SKIC3: variants seen among roughly 807,000 people sequenced by gnomAD.
SKIC3 encodes SKI3 subunit of superkiller complex.
At chr5:95,527,918 T>C in the SKIC3 span, 1 of 1,399,136 alleles carries the variant, frequency 7.1e-7, no homozygotes, top group Non-Finnish European at 1.0e-6. Flanking sequence ...TAACACAAAA[T>C]CCATATAAGT....
chr5:95,464,546 T>TG, the SKIC3 span: 1 of 1,290,686 alleles, frequency 7.7e-7, no homozygotes, highest in Non-Finnish European at 1.1e-6. Flanking sequence ...GTAGAAGTCT[T>TG]GATTCATTGC....
At chr5:95,516,720 T>C in the SKIC3 span, 4 of 1,613,404 alleles carry the variant, frequency 2.5e-6, no homozygotes, top group Non-Finnish European at 2.5e-6. Flanking sequence ...AAGTGATTAT[T>C]ACTGTCGAGT....
the SKIC3 span, chr5:95,536,716 A>C: frequency 1.1e-6 from 1 of 938,466 alleles, no homozygotes; most frequent in South Asian, 1.3e-5. Flanking sequence ...CACAGAAACA[A>C]CACCTTAAAC....
the SKIC3 span, chr5:95,498,460 T>A: frequency 1.2e-6 from 2 of 1,614,070 alleles, no homozygotes; most frequent in African/African-American, 2.7e-5. Flanking sequence ...CCTCTGATAA[T>A]TACTGTCTTT....
the SKIC3 span, chr5:95,498,727 G>C: frequency 2.5e-6 from 2 of 793,492 alleles, no homozygotes; most frequent in Non-Finnish European, 4.0e-6. Context: ...CCAGGTTCAC[G>C]CCATTCTCCT....
At chr5:95,548,709 CT>C in the SKIC3 span, 9 of 151,614 alleles carry the variant, frequency 5.9e-5, no homozygotes, top group South Asian at 1.0e-3. Context: ...AAAAAAAACC[CT>C]GCAGACTAAA....
the SKIC3 span, among the ~76,000 whole-genome samples, chr5:95,493,880 T>C: frequency 2.4e-4 from 36 of 152,140 alleles, no homozygotes; most frequent in South Asian, 7.2e-3. Flanking sequence ...CAGTCTTCTA[T>C]GGCATTTTTC....
the SKIC3 span, chr5:95,512,533 T>C: frequency 1.9e-6 from 3 of 1,614,034 alleles, no homozygotes; most frequent in Admixed American, 1.7e-5. Flanking sequence ...CTGGAGGATG[T>C]TGTACTGGTA....
the SKIC3 span, chr5:95,536,991 C>A: frequency 6.2e-7 from 1 of 1,600,954 alleles, no homozygotes; most frequent in Non-Finnish European, 8.6e-7. Flanking sequence ...TGAACACTTT[C>A]CTAATTAGAA....
chr5:95,480,623 CTCT>C, the SKIC3 span, among the ~76,000 whole-genome samples: 1 of 152,164 alleles, frequency 6.6e-6, no homozygotes, highest in Non-Finnish European at 1.5e-5. Context: ...TTTTAGATAA[CTCT>C]TTGGCAGGAT....
the SKIC3 span, among the ~76,000 whole-genome samples, chr5:95,530,671 G>A: frequency 3.3e-5 from 5 of 152,216 alleles, no homozygotes; most frequent in Non-Finnish European, 5.9e-5. Context: ...CAAGATAGGC[G>A]GGTTACTCAT....
At chr5:95,484,974 C>T in the SKIC3 span, 1 of 957,692 alleles carries the variant, frequency 1.0e-6, no homozygotes, top group Non-Finnish European at 1.6e-6. Flanking sequence ...TTACATGTGC[C>T]ACATGTACCA....
the SKIC3 span, among the ~76,000 whole-genome samples, chr5:95,533,655 C>T: frequency 2.0e-5 from 3 of 152,140 alleles, no homozygotes; most frequent in African/African-American, 7.2e-5. Context: ...GTGATATAGA[C>T]CTTCTTTTCT....
At chr5:95,527,694 G>A in the SKIC3 span, among the ~76,000 whole-genome samples, 5 of 152,140 alleles carry the variant, frequency 3.3e-5, no homozygotes, top group Non-Finnish European at 5.9e-5. Flanking sequence ...AACACTTCCT[G>A]AAGGAAAAAA....
the SKIC3 span, among the ~76,000 whole-genome samples, chr5:95,508,878 C>T: frequency 1.3e-5 from 2 of 152,104 alleles, no homozygotes; most frequent in Non-Finnish European, 2.9e-5. Flanking sequence ...TTCAAACAAA[C>T]ACATCACAAT....
the SKIC3 span, among the ~76,000 whole-genome samples, chr5:95,486,620 C>T: frequency 6.6e-6 from 1 of 152,176 alleles, no homozygotes; most frequent in African/African-American, 2.4e-5. Context: ...CCAGAGTACC[C>T]AAGCATACCC....
the SKIC3 span, among the ~76,000 whole-genome samples, chr5:95,484,123 G>A: frequency 4.6e-5 from 7 of 152,092 alleles, no homozygotes; most frequent in Non-Finnish European, 1.0e-4. Context: ...GTAAGCTCCT[G>A]TGCACATTAC....
chr5:95,497,634 TTAGA>T, the SKIC3 span: 1 of 650,542 alleles, frequency 1.5e-6, no homozygotes, highest in Non-Finnish European at 2.7e-6. Flanking sequence ...GAAAGTATTT[TTAGA>T]AAACATACTT....
At chr5:95,491,181 G>C in the SKIC3 span, 1 of 1,234,242 alleles carries the variant, frequency 8.1e-7, no homozygotes, top group Non-Finnish European at 1.1e-6. Context: ...AAATTAAATT[G>C]CACTTGTTTT....
Sources: gnomAD v4.1 joint callset for allele counts (sites outside exome capture counted in the v4.1 genomes callset) on GRCh38, gnomAD v4.1.1 for gene constraint, MANE v1.5 for transcripts, NCBI Gene and HGNC (gene_info 2026-07-23, HGNC 2026-07-21) for gene names.